The following SLCO1B3 variants were observed in gnomAD, a reference collection of about 807,000 sequenced individuals.
SLCO1B3 encodes the protein liver-specific organic anion transporter 2.
Under a neutral mutation model 71.8 loss-of-function variants are expected in SLCO1B3, and 72 were observed. The ratio of observed to expected loss-of-function variants is 1.00; its 90% confidence interval spans 0.83 to 1.22. The LOEUF is 1.22. Ranked by LOEUF, SLCO1B3 falls within the 50% of genes most tolerant of loss-of-function variation. The pLI is 0.00. For synonymous variants in SLCO1B3, 298 were observed against 278.4 expected (o/e 1.07, Z -0.70); for missense variants, 911 against 819.7 (o/e 1.11, Z -1.36).
At chr12:20,819,247 A>T (rs1232610730) in intron 3 of SLCO1B3, among the ~76,000 whole-genome samples, 1 of 152,082 alleles carries the variant, frequency 6.6e-6, no homozygotes, top group Non-Finnish European at 1.5e-5. Context: ...TAAGGGATTG[A>T]GGTTTGGGAG....
intron 15 of SLCO1B3, among the ~76,000 whole-genome samples, chr12:20,903,632 A>T (rs1387628422): frequency 6.6e-6 from 1 of 152,054 alleles, no homozygotes; most frequent in Non-Finnish European, 1.5e-5. Context: ...AAACCACCAG[A>T]CCTCATGAGA....
At chr12:20,855,772 AAAT>A (rs1047501798) in intron 4 of SLCO1B3, among the ~76,000 whole-genome samples, 95 of 150,794 alleles carry the variant, frequency 6.3e-4, no homozygotes, top group Admixed American at 9.2e-4. Context: ...TAATAATTGA[AAAT>A]AATATATTTT....
intron 15 of SLCO1B3, among the ~76,000 whole-genome samples, chr12:20,910,596 A>G (rs927357382): frequency 2.0e-5 from 3 of 152,194 alleles, no homozygotes; most frequent in African/African-American, 7.2e-5. Context: ...TGAACATGGA[A>G]TATCACTTCA....
chr12:20,894,683 C>T (rs1865968849), intron 13 of SLCO1B3, among the ~76,000 whole-genome samples: 1 of 152,214 alleles, frequency 6.6e-6, no homozygotes, highest in South Asian at 2.1e-4. Flanking sequence ...CAATCTCTCC[C>T]TTCCCAAAAT....
chr12:20,873,627 C>T (rs1204139926), intron 8 of SLCO1B3, among the ~76,000 whole-genome samples: 1 of 152,152 alleles, frequency 6.6e-6, no homozygotes, highest in Non-Finnish European at 1.5e-5. Context: ...ACTTTAAGTT[C>T]CAGGATACAT....
intron 13 of SLCO1B3, among the ~76,000 whole-genome samples, chr12:20,884,887 A>G (rs1865762927): frequency 6.6e-6 from 1 of 152,120 alleles, no homozygotes; most frequent in South Asian, 2.1e-4. Flanking sequence ...ATTTTCTTAA[A>G]TTCATACCAT....
intron 3 of SLCO1B3, among the ~76,000 whole-genome samples, chr12:20,822,474 A>G (rs61921619): frequency 0.46 from 69,390 of 151,846 alleles, 17,903 homozygotes; most frequent in South Asian, 0.64. Context: ...GCAGGAACAA[A>G]TCACAATGGT....
intron 3 of SLCO1B3, among the ~76,000 whole-genome samples, chr12:20,822,404 G>T (rs12811566): frequency 0.14 from 21,561 of 152,086 alleles, 1,678 homozygotes; most frequent in African/African-American, 0.2. Context: ...GGTGCTCGGT[G>T]GGGGAGCTTC....
intron 1 of SLCO1B3, among the ~76,000 whole-genome samples, chr12:20,811,736 CATTT>C (rs1350675333): frequency 1.3e-5 from 2 of 152,192 alleles, no homozygotes; most frequent in African/African-American, 4.8e-5. Context: ...GTGTCCTCAA[CATTT>C]ATTTATGTCA....
intron 8 of SLCO1B3, among the ~76,000 whole-genome samples, chr12:20,868,438 C>G (rs7978115): frequency 6.6e-6 from 1 of 152,022 alleles, no homozygotes; most frequent in Admixed American, 6.5e-5. Context: ...GCTTACTCAT[C>G]TTGTATAAAT....
At chr12:20,857,554 T>A (rs1032345830) in intron 4 of SLCO1B3, among the ~76,000 whole-genome samples, 1 of 152,044 alleles carries the variant, frequency 6.6e-6, no homozygotes, top group Admixed American at 6.5e-5. Context: ...AACAACACTT[T>A]ATTGTTGTCT....
At chr12:20,841,330 G>C (rs1864796689) in intron 3 of SLCO1B3, among the ~76,000 whole-genome samples, 1 of 152,078 alleles carries the variant, frequency 6.6e-6, no homozygotes, top group Non-Finnish European at 1.5e-5. Context: ...GTAGCACCCA[G>C]AAGTCCCAGT....
chr12:20,832,085 C>T (rs1220924574), intron 3 of SLCO1B3, among the ~76,000 whole-genome samples: 1 of 152,198 alleles, frequency 6.6e-6, no homozygotes, highest in Non-Finnish European at 1.5e-5. Flanking sequence ...AACTCTGTTT[C>T]ACATTGCTAA....
At chr12:20,906,595 A>G (rs1866250828) in intron 15 of SLCO1B3, among the ~76,000 whole-genome samples, 1 of 152,228 alleles carries the variant, frequency 6.6e-6, no homozygotes, top group South Asian at 2.1e-4. Context: ...TTGGGCAGGG[A>G]GATCTCCATA....
intron 13 of SLCO1B3, among the ~76,000 whole-genome samples, 196 bp downstream of exon 13, chr12:20,883,798 A>G (rs1001513578): frequency 6.6e-6 from 1 of 151,834 alleles, no homozygotes; most frequent in African/African-American, 2.4e-5. Context: ...TCCATTGTCA[A>G]ATCTAGGCTC....
intron 3 of SLCO1B3, among the ~76,000 whole-genome samples, chr12:20,821,708 C>T (rs1217669976): frequency 2.0e-5 from 3 of 151,972 alleles, no homozygotes; most frequent in Admixed American, 6.6e-5. Context: ...GGTACTTGCC[C>T]CTCCCCCAGA....
rs2120489936 is a variant in SLCO1B3 at position 20,916,715 on chromosome 12, A to C, written c.*468A>C. On this transcript the variant is annotated 3_prime_UTR_variant, in exon 16 of 16. Transcript: ENST00000381545. ...CAGAAATTATAAATATTATTAATTT[A>C]AAATTTGAATTTGTGTTTGACTAAC... 6.6e-6 allele frequency: 1 copy of C among 152,306 alleles called. No homozygotes were observed. The highest frequency in any genetic ancestry group is 2.1e-4 in the South Asian group (1 of 4,828). 9.4% of individuals were successfully genotyped at this position (152,306 alleles called of 1,614,324 possible). A position where few individuals can be genotyped will look rare whatever the true frequency, so the allele number is the denominator to read the frequency against.
At chr12:20,823,882 G>A (rs943680757) in intron 3 of SLCO1B3, among the ~76,000 whole-genome samples, 1 of 152,120 alleles carries the variant, frequency 6.6e-6, no homozygotes, top group African/African-American at 2.4e-5. Context: ...TTTTTCCAAG[G>A]GGCTTCTATT....
chr12:20,911,064 T>TA (rs974837131), intron 15 of SLCO1B3, among the ~76,000 whole-genome samples: 4 of 152,036 alleles, frequency 2.6e-5, no homozygotes, highest in African/African-American at 9.7e-5. Context: ...CACCATCAAG[T>TA]AAAAAATGTG....
Sources: allele counts gnomAD v4.1 joint callset (sites outside exome capture counted in the v4.1 genomes callset), GRCh38; gene constraint gnomAD v4.1.1; transcripts MANE v1.5; gene names NCBI Gene and HGNC (gene_info 2026-07-23, HGNC 2026-07-21).